Variants in CSMD3 observed in about 807,000 individuals in gnomAD.
CSMD3 encodes CUB and Sushi multiple domains 3.
In CSMD3, 177 loss-of-function variants were observed where a neutral mutation model predicts 435.2. That is an observed-to-expected ratio of 0.41 (90% CI 0.36 to 0.46). CSMD3 has a LOEUF of 0.46. Among genes scored for constraint, CSMD3 ranks in the 20% least tolerant of loss-of-function variants. The probability of loss-of-function intolerance (pLI) is 0.34; values close to 1 mark genes in which losing one functional copy is unlikely to be tolerated. For synonymous variants in CSMD3, 1,656 were observed against 1,520.5 expected, an observed-to-expected ratio of 1.09 and a Z score of -2.07; for missense variants, 4,265 against 4,504.6, an observed-to-expected ratio of 0.95 and a Z score of 1.52.
intron 61 of CSMD3, chr8:112,256,039 T>C (rs948755282): frequency 6.6e-6 from 1 of 152,396 alleles, no homozygotes; most frequent in Non-Finnish European, 1.5e-5. Flanking sequence ...AATGTCAATG[T>C]TCTACAACAA....
At chr8:112,691,129 T>C (rs1319729905) in intron 13 of CSMD3, among the ~76,000 whole-genome samples, 1 of 152,160 alleles carries the variant, frequency 6.6e-6, no homozygotes, top group Non-Finnish European at 1.5e-5. Context: ...TTAACTTTTA[T>C]TATACTGTCA....
intron 10 of CSMD3, among the ~76,000 whole-genome samples, chr8:112,878,390 T>C (rs2081350778): frequency 6.6e-6 from 1 of 152,120 alleles, no homozygotes; most frequent in South Asian, 2.1e-4. Context: ...TCAGTTAGAA[T>C]GGCAATCATA....
chr8:112,728,627 A>G (rs2077013944), intron 13 of CSMD3, among the ~76,000 whole-genome samples: 1 of 151,868 alleles, frequency 6.6e-6, no homozygotes, highest in Non-Finnish European at 1.5e-5. Flanking sequence ...TCCTCCCATA[A>G]TGTATTTTGC....
At chr8:113,028,008 G>C (rs1377168464) in intron 5 of CSMD3, among the ~76,000 whole-genome samples, 2 of 151,968 alleles carry the variant, frequency 1.3e-5, no homozygotes, top group Admixed American at 6.6e-5. Context: ...TTTGTTTATT[G>C]TGCTTTGCAG....
chr8:113,105,254 G>C (rs188393941), intron 4 of CSMD3, among the ~76,000 whole-genome samples: 5 of 152,172 alleles, frequency 3.3e-5, no homozygotes, highest in Admixed American at 3.3e-4. Context: ...TGTGATCTAA[G>C]AGAGGAGAAA....
intron 13 of CSMD3, among the ~76,000 whole-genome samples, chr8:112,713,682 G>A (rs1464699244): frequency 6.6e-6 from 1 of 152,120 alleles, no homozygotes; most frequent in African/African-American, 2.4e-5. Flanking sequence ...AAAAAGGCCA[G>A]GTCACCTACA....
intron 1 of CSMD3, among the ~76,000 whole-genome samples, chr8:113,378,239 A>T (rs1362168102): frequency 6.6e-6 from 1 of 152,180 alleles, no homozygotes; most frequent in African/African-American, 2.4e-5. Flanking sequence ...ATCCTGTATT[A>T]TGAATAGGAA....
In CSMD3 at chr8:112,531,466, G is replaced by A. The variant is rs183996179; in HGVS notation, c.4565-14241C>T. On this transcript the variant is annotated intron_variant, in intron 27 of 70. Transcript: ENST00000297405. ...TGCCAGTTACAACAGCCACAGGAAT[G>A]GCCATGTAACCCCTTCCCAAACTCC... is the stretch of plus-strand genomic sequence containing the variant. Among the ~76,000 whole-genome samples, 3 of 152,246 alleles carry A rather than the reference G, an allele frequency of 2.0e-5. No homozygotes were observed. In the East Asian group the frequency reaches 5.8e-4, roughly 30 times the overall value.
At chr8:112,936,117 C>T (rs914139297) in intron 9 of CSMD3, among the ~76,000 whole-genome samples, 1 of 152,034 alleles carries the variant, frequency 6.6e-6, no homozygotes, top group East Asian at 1.9e-4. Flanking sequence ...CAGACTTCCT[C>T]GCTTCTGCTA....
At chr8:112,952,369 T>C (rs1482611390) in intron 8 of CSMD3, among the ~76,000 whole-genome samples, 2 of 151,732 alleles carry the variant, frequency 1.3e-5, no homozygotes, top group Non-Finnish European at 3.0e-5. Flanking sequence ...AATTGATCTT[T>C]TTTTCAAAGA....
chr8:113,283,865 C>T lies in CSMD3; in HGVS notation c.402-5161G>A, dbSNP rs141233834. ...AATCAACGAGTGGATAAAGAAACTG[C>T]GATATACACATATCATATATATGAT... On this transcript the variant is annotated intron_variant, in intron 2 of 70. Coordinates refer to ENST00000297405, the MANE Select transcript of CSMD3 (RefSeq NM_198123.2). 1.7e-3 allele frequency among the ~76,000 whole-genome samples: 254 copies of T among 151,938 alleles called. 1 individual carries two copies. The highest frequency in any genetic ancestry group is 5.8e-3 in the African/African-American group (239 of 41,474).
At chr8:113,080,348 C>T (rs2089510152) in intron 5 of CSMD3, among the ~76,000 whole-genome samples, 1 of 152,108 alleles carries the variant, frequency 6.6e-6, no homozygotes. Context: ...ATATAAACTA[C>T]ACCTTGTGGA....
chr8:112,803,914 G>A (rs2079019078), intron 12 of CSMD3, among the ~76,000 whole-genome samples: 1 of 152,198 alleles, frequency 6.6e-6, no homozygotes, highest in Admixed American at 6.5e-5. Context: ...CTCCACTCAT[G>A]TGATGGAACA....
intron 12 of CSMD3, among the ~76,000 whole-genome samples, chr8:112,817,681 T>TAG (rs148174574): frequency 6.6e-6 from 1 of 150,514 alleles, no homozygotes; most frequent in Non-Finnish European, 1.5e-5. Flanking sequence ...ATAATAGAGA[T>TAG]AGAGAGAGAG....
chr8:112,699,786 A>T (rs1296514610), intron 13 of CSMD3, among the ~76,000 whole-genome samples: 1 of 152,210 alleles, frequency 6.6e-6, no homozygotes, highest in Non-Finnish European at 1.5e-5. Context: ...GTATGTACCC[A>T]AATTGAGGGA....
At position 113,253,848 on chromosome 8, in the gene CSMD3, AAAAAG is replaced by A. The variant is rs567314157; in HGVS notation, c.514+24739_514+24743del. ...GTGAGACTCCGTCTGAAAAAAAAAA[AAAAAG>A]AAAAGAAAAGAAATGAAACTTATGT... is the stretch of plus-strand genomic sequence containing the variant. On this transcript the variant is annotated intron_variant, in intron 3 of 70. Coordinates refer to ENST00000297405, the MANE Select transcript of CSMD3 (RefSeq NM_198123.2). Among the ~76,000 whole-genome samples, 1,043 of 152,064 alleles carry A rather than the reference AAAAAG, an allele frequency of 6.9e-3. 2 individuals are homozygous for A. Among genetic ancestry groups the A allele is most frequent in the African/African-American group, 0.014 (575 of 41,470 alleles).
rs116236984 is a variant in CSMD3 at position 112,973,708 on chromosome 8, G to A, written c.1342+2129C>T. On this transcript the variant is annotated intron_variant, in intron 7 of 70. Coordinates refer to ENST00000297405, the MANE Select transcript of CSMD3 (RefSeq NM_198123.2). ...TCAGAAAACACTAAGCAATAGAATAGTAGGTTTCCCCTACTCTTAACATTG... is the reference window on the plus strand; with the variant it reads ...TCAGAAAACACTAAGCAATAGAATAATAGGTTTCCCCTACTCTTAACATTG... 6.6e-3 allele frequency among the ~76,000 whole-genome samples: 1,010 copies of A among 151,930 alleles called. 12 individuals carry two copies. The highest frequency in any genetic ancestry group is 0.023 in the African/African-American group (968 of 41,550).
chr8:112,557,089 T>C, intron 24 of CSMD3, 135 bp from the exon 25 acceptor site: 4 of 630,556 alleles, frequency 6.3e-6, no homozygotes, highest in Non-Finnish European at 1.1e-5. Context: ...CCATATTTAA[T>C]TTTCGTATCA....
At chr8:113,039,106 T>C (rs1564241491) in intron 5 of CSMD3, among the ~76,000 whole-genome samples, 1 of 152,124 alleles carries the variant, frequency 6.6e-6, no homozygotes, top group Non-Finnish European at 1.5e-5. Flanking sequence ...ACTGAATAAA[T>C]ATTGTAGTAC....
Sources: allele counts gnomAD v4.1 joint callset (sites outside exome capture counted in the v4.1 genomes callset), GRCh38; gene constraint gnomAD v4.1.1; transcripts MANE v1.5; gene names NCBI Gene and HGNC (gene_info 2026-07-23, HGNC 2026-07-21).